The following BTBD9 variants were observed in gnomAD, a reference collection of about 807,000 sequenced individuals.
BTBD9 encodes BTB domain containing 9.
Under a neutral mutation model 64.3 loss-of-function variants are expected in BTBD9, and 49 were observed. The observed-to-expected ratio is 0.76, with a 90% confidence interval of 0.61 to 0.97. The LOEUF (loss-of-function observed/expected upper bound fraction) is 0.97, where lower values mean the gene tolerates loss of function less well. Among genes scored for constraint, BTBD9 ranks in the 50% least tolerant of loss-of-function variants. The pLI is 0.00. For synonymous variants in BTBD9, 260 were observed against 274.7 expected (o/e 0.95, Z 0.53); for missense variants, 598 against 762.1 (o/e 0.78, Z 2.53).
intron 9 of BTBD9, among the ~76,000 whole-genome samples, chr6:38,236,034 G>A (rs1294781920): frequency 2.0e-5 from 3 of 152,158 alleles, no homozygotes; most frequent in Non-Finnish European, 1.5e-5. Context: ...TCAGAGTCGG[G>A]AAACTGAGAC....
intron 6 of BTBD9, among the ~76,000 whole-genome samples, chr6:38,415,649 T>C (rs1434440992): frequency 2.6e-5 from 4 of 152,180 alleles, no homozygotes; most frequent in Non-Finnish European, 2.9e-5. Flanking sequence ...TCTATTCAAT[T>C]ACTCTCTAAG....
intron 6 of BTBD9, among the ~76,000 whole-genome samples, chr6:38,563,952 T>C (rs917676773): frequency 1.3e-5 from 2 of 151,928 alleles, no homozygotes; most frequent in Non-Finnish European, 2.9e-5. Flanking sequence ...TGGCTAACTT[T>C]TTTGTATTTT....
At chr6:38,207,335 A>G in intron 9 of BTBD9, 1 of 222,770 alleles carries the variant, frequency 4.5e-6, no homozygotes, top group Non-Finnish European at 9.8e-6. Context: ...CTAAAATTAC[A>G]CTGAAGCTGG....
chr6:38,202,428 C>T (rs1305780932), intron 9 of BTBD9, among the ~76,000 whole-genome samples: 2 of 151,880 alleles, frequency 1.3e-5, no homozygotes, highest in Non-Finnish European at 2.9e-5. Context: ...TCCTAAAATT[C>T]ATGTAGAACC....
At chr6:38,499,118 T>C (rs960369272) in intron 6 of BTBD9, among the ~76,000 whole-genome samples, 3 of 151,962 alleles carry the variant, frequency 2.0e-5, no homozygotes, top group African/African-American at 7.3e-5. Flanking sequence ...GTGAACACTA[T>C]TTTGACAGGA....
chr6:38,595,749 T>G, intron 2 of BTBD9: 3 of 984,502 alleles, frequency 3.0e-6, no homozygotes, highest in Non-Finnish European at 3.6e-6. Context: ...CAGAAAAGAT[T>G]CATGAATATT....
At chr6:38,433,484 G>C (rs1768535318) in intron 6 of BTBD9, among the ~76,000 whole-genome samples, 1 of 151,802 alleles carries the variant, frequency 6.6e-6, no homozygotes, top group African/African-American at 2.4e-5. Context: ...TTAACCTTGT[G>C]AAATTCCTTC....
intron 6 of BTBD9, among the ~76,000 whole-genome samples, chr6:38,577,288 T>C (rs1446633998): frequency 6.6e-6 from 1 of 152,222 alleles, no homozygotes; most frequent in Admixed American, 6.5e-5. Flanking sequence ...ACAATGAATA[T>C]TACCATTCAC....
chr6:38,562,257 T>A (rs1354885874), intron 6 of BTBD9, among the ~76,000 whole-genome samples: 2 of 152,194 alleles, frequency 1.3e-5, no homozygotes, highest in East Asian at 3.8e-4. Flanking sequence ...TGACTGTCTT[T>A]CTCCTTCCCT....
At chr6:38,270,899 C>T (rs1765177308) in intron 8 of BTBD9, among the ~76,000 whole-genome samples, 2 of 152,096 alleles carry the variant, frequency 1.3e-5, no homozygotes, top group Non-Finnish European at 2.9e-5. Flanking sequence ...TGTCTTGCTT[C>T]ACAACTGTAT....
chr6:38,377,500 T>C (rs1257193120), intron 6 of BTBD9, among the ~76,000 whole-genome samples: 2 of 152,206 alleles, frequency 1.3e-5, no homozygotes, highest in East Asian at 1.9e-4. Context: ...CAAGATATAA[T>C]GTCTACTTTG....
At chr6:38,488,992 C>T (rs1771580201) in intron 6 of BTBD9, among the ~76,000 whole-genome samples, 1 of 151,238 alleles carries the variant, frequency 6.6e-6, no homozygotes, top group South Asian at 2.1e-4. Flanking sequence ...ACCTCCCAGG[C>T]TCACGGGATC....
At position 38,597,902 on chromosome 6, in the gene BTBD9, A is replaced by G. The variant is rs1360401673; in HGVS notation, c.185+8T>C. ...ACTAAATTTTCAAAAAAAGTATTACACACTTACCGAAAATATTGGCACCTG... is the reference window on the plus strand; with the variant it reads ...ACTAAATTTTCAAAAAAAGTATTACGCACTTACCGAAAATATTGGCACCTG... On this transcript the variant is annotated splice_region_variant and intron_variant, in intron 2 of 10. Transcript: ENST00000481247. 1.2e-6 allele frequency: 2 copies of G among 1,613,092 alleles called. No individual in the cohort carries two copies. Among genetic ancestry groups the G allele is most frequent in the East Asian group, 2.2e-5 (1 of 44,890 alleles).
chr6:38,604,815 G>C (rs908293792), intron 1 of BTBD9, among the ~76,000 whole-genome samples: 1 of 152,126 alleles, frequency 6.6e-6, no homozygotes. Flanking sequence ...GAGGGAGACT[G>C]CAATACAAAC....
chr6:38,363,244 G>T (rs1249356567), intron 6 of BTBD9, among the ~76,000 whole-genome samples: 1 of 152,112 alleles, frequency 6.6e-6, no homozygotes, highest in African/African-American at 2.4e-5. Flanking sequence ...ATGCACCACT[G>T]CACTGGCCAA....
intron 9 of BTBD9, among the ~76,000 whole-genome samples, chr6:38,231,249 C>T (rs1166747973): frequency 6.6e-6 from 1 of 152,144 alleles, no homozygotes; most frequent in Non-Finnish European, 1.5e-5. Flanking sequence ...AATTGAATTA[C>T]CAGCATTGAG....
intron 6 of BTBD9, among the ~76,000 whole-genome samples, chr6:38,554,847 G>A (rs532937904): frequency 1.3e-5 from 2 of 152,338 alleles, no homozygotes; most frequent in African/African-American, 4.8e-5. Context: ...CACTCTTGCT[G>A]TTGCAGCGGA....
At chr6:38,362,198 T>C (rs1764989459) in intron 6 of BTBD9, among the ~76,000 whole-genome samples, 1 of 152,208 alleles carries the variant, frequency 6.6e-6, no homozygotes, top group Non-Finnish European at 1.5e-5. Context: ...TAATTTCTCT[T>C]GAGTACTGAT....
At chr6:38,474,636 C>T (rs961267404) in intron 6 of BTBD9, among the ~76,000 whole-genome samples, 12 of 152,184 alleles carry the variant, frequency 7.9e-5, no homozygotes, top group Non-Finnish European at 1.6e-4. Flanking sequence ...CAGGGCCTAG[C>T]ACAGCTCCTG....
Sources: allele counts gnomAD v4.1 joint callset (sites outside exome capture counted in the v4.1 genomes callset), GRCh38; gene constraint gnomAD v4.1.1; transcripts MANE v1.5; gene names NCBI Gene and HGNC (gene_info 2026-07-23, HGNC 2026-07-21).